DNAH11: variants seen among roughly 807,000 people sequenced by gnomAD.
The protein encoded by DNAH11 is dynein axonemal heavy chain 11.
A neutral mutation model predicts 526.0 loss-of-function variants in DNAH11; 442 were observed. That is an observed-to-expected ratio of 0.84 (90% confidence interval 0.78 to 0.91). DNAH11 has a LOEUF of 0.91. Among genes scored for constraint, DNAH11 ranks in the 40% least tolerant of loss-of-function variants. The pLI, the probability that DNAH11 is intolerant of heterozygous loss-of-function variation, is 0.00. For missense variants in DNAH11, 6,989 were observed against 5,448.7 expected (o/e 1.28, Z -8.90); for synonymous variants, 2,461 against 1,935.9 (o/e 1.27, Z -7.12).
At chr7:21,685,526 A>G (rs558117277) in intron 32 of DNAH11, among the ~76,000 whole-genome samples, 26 of 152,242 alleles carry the variant, frequency 1.7e-4, no homozygotes, top group Non-Finnish European at 1.2e-4. Flanking sequence ...TACATTAACA[A>G]AATGATGCCC....
At position 21,901,000 on chromosome 7, in the gene DNAH11, G is replaced by A. The variant is rs781174681; in HGVS notation, c.13304-7G>A. ...ACACAATTGCAACCGCTGTGTTTTT[G>A]CCATAGGCGCCCGCTGGGACACCCA... On this transcript the variant is annotated splice_polypyrimidine_tract_variant and splice_region_variant and intron_variant, in intron 81 of 81. Transcript: ENST00000409508. 3.2e-6 allele frequency: 5 copies of A among 1,575,044 alleles called. No homozygotes were observed. The highest frequency in any genetic ancestry group is 1.7e-4 in the Middle Eastern group (1 of 5,848).
At chr7:21,808,078 G>A in intron 63 of DNAH11, 29 bp downstream of exon 63, 1 of 1,378,898 alleles carries the variant, frequency 7.3e-7, no homozygotes, top group East Asian at 2.6e-5. Context: ...CTTGTCAGCA[G>A]GTAGAAAGAT....
chr7:21,738,796 C>T lies in DNAH11; in HGVS notation c.7741C>T (p.Pro2581Ser), dbSNP rs1785736325. Reference protein sequence around the residue: ...LIYFIDDMNMPEVDLYGTVQP... With the variant: ...LIYFIDDMNMSEVDLYGTVQP... ...TTATTTTATCGACGACATGAACATG[C>T]CTGAAGTGGACTTATATGGCACCGT... Residue 2581 changes from proline (P) to serine (S), a missense_variant, in exon 47 of 82, where the codon CCT (proline) becomes TCT (serine). Coordinates refer to ENST00000409508, the MANE Select transcript of DNAH11 (RefSeq NM_001277115.2). The T allele has an allele frequency of 6.2e-7, 1 of 1,601,774 alleles. No individual in the cohort carries two copies. Among genetic ancestry groups the T allele is most frequent in the Non-Finnish European group, 8.5e-7 (1 of 1,173,848 alleles).
At chr7:21,681,755 A>T in intron 31 of DNAH11, 78 bp downstream of exon 31, 1 of 1,567,308 alleles carries the variant, frequency 6.4e-7, no homozygotes, top group Non-Finnish European at 8.8e-7. Context: ...AGTTCCAAGA[A>T]AGTCGTTGTT....
rs769397725 is a variant in DNAH11, at chr7:21,620,028, C to G, written c.4450C>G (p.Pro1484Ala). 17 of 1,608,590 alleles carry G rather than the reference C, an allele frequency of 1.1e-5. No individual in the cohort carries two copies. In the Middle Eastern group the frequency reaches 5.0e-4, roughly 47 times the overall value. The change falls in exon 25 of 82, where the codon CCA (proline) becomes GCA (alanine). Residue 1484 changes from proline (P) to alanine (A), a missense_variant. Pro to Ala is a conservative substitution (Grantham distance 27). Coordinates refer to ENST00000409508, the MANE Select transcript of DNAH11 (RefSeq NM_001277115.2). ...SYEVHYRTGI[P>A]LLKSDEQLFE... is the part of the protein sequence containing the mutation. ...CGAAGTTCACTATCGAACAGGCATT[C>G]CATTACTAAAGTCTGATGAACAACT...
At chr7:21,688,697 A>G (rs1359958168) in intron 34 of DNAH11, among the ~76,000 whole-genome samples, 2 of 152,216 alleles carry the variant, frequency 1.3e-5, no homozygotes, top group African/African-American at 2.4e-5. Context: ...AATAGGTTAT[A>G]CCTTCATGTT....
At chr7:21,629,080 C>G (rs1786481423) in intron 25 of DNAH11, among the ~76,000 whole-genome samples, 1 of 151,970 alleles carries the variant, frequency 6.6e-6, no homozygotes, top group Non-Finnish European at 1.5e-5. Context: ...TTTACTGTAT[C>G]ACATAGATTT....
chr7:21,885,762 AG>A (rs1392165843), intron 76 of DNAH11, among the ~76,000 whole-genome samples: 1 of 152,188 alleles, frequency 6.6e-6, no homozygotes, highest in Non-Finnish European at 1.5e-5. Flanking sequence ...TAAAAAGACA[AG>A]TATGGTGATT....
chr7:21,605,645 T>C (rs1307722517), intron 18 of DNAH11, among the ~76,000 whole-genome samples: 3 of 152,186 alleles, frequency 2.0e-5, no homozygotes, highest in Admixed American at 1.3e-4. Flanking sequence ...CTTTGGGAGC[T>C]AGAGAAAAGC....
At chr7:21,855,124 C>T (rs370266343) in intron 68 of DNAH11, among the ~76,000 whole-genome samples, 5 of 149,310 alleles carry the variant, frequency 3.3e-5, no homozygotes, top group Admixed American at 6.7e-5. Context: ...CTCCACCTTC[C>T]GGGTTCACTC....
At chr7:21,555,910 C>T (rs1783201411) in intron 2 of DNAH11, among the ~76,000 whole-genome samples, 1 of 152,288 alleles carries the variant, frequency 6.6e-6, no homozygotes, top group South Asian at 2.1e-4. Context: ...CACATTTACC[C>T]ATCCGAACCC....
At chr7:21,642,584 C>T (rs758439419) in intron 28 of DNAH11, among the ~76,000 whole-genome samples, 10 of 151,874 alleles carry the variant, frequency 6.6e-5, no homozygotes, top group Non-Finnish European at 7.4e-5. Flanking sequence ...TGTAGTGTGA[C>T]CGAGATAACA....
At chr7:21,811,206 T>C (rs1379624632) in intron 63 of DNAH11, among the ~76,000 whole-genome samples, 2 of 152,146 alleles carry the variant, frequency 1.3e-5, no homozygotes, top group Non-Finnish European at 2.9e-5. Flanking sequence ...CTAATGCGTG[T>C]AATCCCAGCA....
At chr7:21,655,318 T>C (rs1362563578) in intron 28 of DNAH11, among the ~76,000 whole-genome samples, 3 of 152,180 alleles carry the variant, frequency 2.0e-5, no homozygotes, top group African/African-American at 7.2e-5. Context: ...GAAATCCTAC[T>C]CATCTTTCTT....
intron 30 of DNAH11, among the ~76,000 whole-genome samples, chr7:21,678,287 T>C (rs1162243654): frequency 1.3e-5 from 2 of 151,196 alleles, no homozygotes; most frequent in Non-Finnish European, 2.9e-5. Flanking sequence ...CTTTTGCATG[T>C]GATGTCCAGT....
chr7:21,749,678 G>A lies in DNAH11; in HGVS notation c.8674G>A (p.Val2892Ile). 3 of 1,613,866 alleles carry A rather than the reference G, an allele frequency of 1.9e-6. No individual in the cohort carries two copies. Among genetic ancestry groups the A allele is most frequent in the Non-Finnish European group, 1.7e-6 (2 of 1,179,836 alleles). ...CATGAGTGATGGCCTTTCCTTACAG[G>A]TAGATCTTGCCAATTTGTACATCCG... Reference protein sequence around the residue: ...TEGYGIQELRVDLANLYIRTG... With the variant: ...TEGYGIQELRIDLANLYIRTG... Residue 2892 changes from valine to isoleucine, a missense_variant and splice_region_variant, in exon 53 of 82, where the codon GTA (valine) becomes ATA (isoleucine). By Grantham distance (29) the Val-to-Ile change is conservative (BLOSUM62 3). Transcript: ENST00000409508.
chr7:21,729,970 C>T (rs989488274), intron 45 of DNAH11, among the ~76,000 whole-genome samples: 1 of 152,092 alleles, frequency 6.6e-6, no homozygotes, highest in African/African-American at 2.4e-5. Context: ...ATCAAAAAGA[C>T]GAAAGATAAC....
intron 28 of DNAH11, among the ~76,000 whole-genome samples, chr7:21,643,234 T>G (rs1210244234): frequency 1.3e-5 from 2 of 152,324 alleles, no homozygotes; most frequent in East Asian, 1.9e-4. Flanking sequence ...GTATAGTTGT[T>G]AAAGTCAGAC....
chr7:21,859,746 T>C (rs1782985202), intron 68 of DNAH11, among the ~76,000 whole-genome samples: 1 of 152,072 alleles, frequency 6.6e-6, no homozygotes, highest in Non-Finnish European at 1.5e-5. Context: ...TTTATATTTA[T>C]ATAGAGAGAT....
Sources: gnomAD v4.1 joint callset for allele counts (sites outside exome capture counted in the v4.1 genomes callset) on GRCh38, gnomAD v4.1.1 for gene constraint, MANE v1.5 for transcripts, NCBI Gene and HGNC (gene_info 2026-07-23, HGNC 2026-07-21) for gene names.